Variants in ALK observed in about 807,000 individuals in gnomAD.
The protein encoded by ALK is ALK tyrosine kinase receptor.
ALK carries 74 observed loss-of-function variants against 163.1 expected under a neutral mutation model. The ratio of observed to expected loss-of-function variants is 0.45; its 90% confidence interval spans 0.38 to 0.55. The LOEUF is 0.55. ALK is among the 20% of genes least tolerant of loss of function. The pLI, the probability that ALK is intolerant of heterozygous loss-of-function variation, is 0.00. For missense variants in ALK, 2,063 were observed against 2,105.3 expected, an observed-to-expected ratio of 0.98 and a Z score of 0.39; for synonymous variants, 960 against 843.2, an observed-to-expected ratio of 1.14 and a Z score of -2.40.
At chr2:29,771,327 T>A (rs1308502734) in intron 1 of ALK, among the ~76,000 whole-genome samples, 2 of 152,116 alleles carry the variant, frequency 1.3e-5, no homozygotes, top group Non-Finnish European at 2.9e-5. Flanking sequence ...ACTCAAACCA[T>A]AACACAGTGT....
chr2:29,499,617 C>T (rs2148131031), intron 4 of ALK, among the ~76,000 whole-genome samples: 1 of 152,282 alleles, frequency 6.6e-6, no homozygotes, highest in East Asian at 1.9e-4. Flanking sequence ...TCCCTCCAGC[C>T]AACCTCTTTA....
intron 1 of ALK, among the ~76,000 whole-genome samples, chr2:29,822,303 C>G (rs916634691): frequency 2.6e-5 from 4 of 152,184 alleles, no homozygotes; most frequent in African/African-American, 9.7e-5. Flanking sequence ...CACCTGCTGG[C>G]AGTTTATAGG....
chr2:29,614,313 A>G (rs1231091986), intron 3 of ALK, among the ~76,000 whole-genome samples: 1 of 152,202 alleles, frequency 6.6e-6, no homozygotes, highest in Non-Finnish European at 1.5e-5. Context: ...TCGAAAGTCC[A>G]GTTTGCTCAA....
intron 3 of ALK, among the ~76,000 whole-genome samples, chr2:29,610,997 T>C (rs1675676480): frequency 6.6e-6 from 1 of 152,214 alleles, no homozygotes; most frequent in African/African-American, 2.4e-5. Context: ...TGCCTACTTC[T>C]CAGACTTTGG....
Position 29,560,430 on chromosome 2 carries a change from G to A in ALK, c.953-28314C>T, listed in dbSNP as rs548921368. Among the ~76,000 whole-genome samples the A allele has an allele frequency of 1.3e-4, 20 of 152,294 alleles. No individual in the cohort carries two copies. The South Asian group carries it at 3.9e-3, about 30-fold the overall frequency. ...AAGGGTTGCCTGGGGCTTGGGATGG[G>A]AATTGAGAATGACTGCAAATGAGCC... On this transcript the variant is annotated intron_variant, in intron 3 of 28. Transcript: ENST00000389048.
At chr2:29,563,779 A>T (rs1674093969) in intron 3 of ALK, among the ~76,000 whole-genome samples, 1 of 152,220 alleles carries the variant, frequency 6.6e-6, no homozygotes, top group Non-Finnish European at 1.5e-5. Flanking sequence ...ACTCTAAGAC[A>T]AGGATGAGAA....
At chr2:29,731,717 C>T (rs753279925) in intron 1 of ALK, among the ~76,000 whole-genome samples, 3 of 152,104 alleles carry the variant, frequency 2.0e-5, no homozygotes, top group Non-Finnish European at 4.4e-5. Flanking sequence ...CAAATGTAAA[C>T]CAAAGATATA....
chr2:29,741,908 G>A (rs1028562986), intron 1 of ALK, among the ~76,000 whole-genome samples: 1 of 152,192 alleles, frequency 6.6e-6, no homozygotes, highest in East Asian at 1.9e-4. Flanking sequence ...TGGGGAGAGA[G>A]AATTACTCAC....
At chr2:29,221,041 C>T in intron 22 of ALK, 2 of 698,904 alleles carry the variant, frequency 2.9e-6, no homozygotes, top group Non-Finnish European at 5.2e-6. Flanking sequence ...GCAGGCTCCA[C>T]AGGAGTTCCA....
intron 4 of ALK, among the ~76,000 whole-genome samples, chr2:29,464,978 T>C (rs1254950322): frequency 6.6e-6 from 1 of 152,164 alleles, no homozygotes; most frequent in Admixed American, 6.5e-5. Context: ...AATATATGTG[T>C]AACTGGAATC....
chr2:29,751,254 C>G (rs1166021681), intron 1 of ALK, among the ~76,000 whole-genome samples: 2 of 152,144 alleles, frequency 1.3e-5, no homozygotes, highest in Admixed American at 1.3e-4. Context: ...TTACTGTACA[C>G]TCCTGTACAT....
intron 3 of ALK, among the ~76,000 whole-genome samples, chr2:29,547,218 A>G (rs1305890047): frequency 6.6e-6 from 1 of 152,250 alleles, no homozygotes; most frequent in Non-Finnish European, 1.5e-5. Flanking sequence ...AGTCAGAACC[A>G]TCTTCTTACA....
At chr2:29,422,913 GTTT>G (rs59625011) in intron 4 of ALK, among the ~76,000 whole-genome samples, 26 of 138,694 alleles carry the variant, frequency 1.9e-4, no homozygotes, top group African/African-American at 6.3e-4. Context: ...CACTTGATAT[GTTT>G]TTTTTTTTTT....
chr2:29,231,621 A>G (rs1339783612), intron 15 of ALK, among the ~76,000 whole-genome samples: 1 of 152,218 alleles, frequency 6.6e-6, no homozygotes, highest in Non-Finnish European at 1.5e-5. Flanking sequence ...CTCTCAATTG[A>G]GAGACAGTTT....
intron 1 of ALK, among the ~76,000 whole-genome samples, chr2:29,743,498 T>C (rs1680118676): frequency 6.6e-6 from 1 of 152,176 alleles, no homozygotes; most frequent in Non-Finnish European, 1.5e-5. Flanking sequence ...AGGAAGGAGA[T>C]GAGAACAAGA....
intron 1 of ALK, among the ~76,000 whole-genome samples, chr2:29,726,299 C>G (rs1297510110): frequency 1.3e-5 from 2 of 152,072 alleles, no homozygotes; most frequent in African/African-American, 4.8e-5. Context: ...TTTTCTCCCC[C>G]CAAAATATGT....
At chr2:29,202,847 T>C (rs1669216519) in intron 26 of ALK, among the ~76,000 whole-genome samples, 1 of 152,228 alleles carries the variant, frequency 6.6e-6, no homozygotes, top group African/African-American at 2.4e-5. Context: ...GCTTTTTCTC[T>C]ATTGTAAACA....
intron 1 of ALK, among the ~76,000 whole-genome samples, chr2:29,750,026 A>G (rs1680311941): frequency 6.6e-6 from 1 of 152,218 alleles, no homozygotes; most frequent in Non-Finnish European, 1.5e-5. Context: ...CAGCCTAGAG[A>G]TGCATTTCAG....
rs116093480 is a variant in ALK at position 29,411,134 on chromosome 2, G to A, written c.1155-27275C>T. 8.2e-3 allele frequency among the ~76,000 whole-genome samples: 1,247 copies of A among 151,908 alleles called. 21 individuals are homozygous for A. The highest frequency in any genetic ancestry group is 0.028 in the African/African-American group (1,166 of 41,418). ...ACTTTTTTGTTAAAAACTAAGACAC[G>A]AACATGCACATTAGCCTAGGCCTAC... On this transcript the variant is annotated intron_variant, in intron 4 of 28. Transcript: ENST00000389048.
Sources: gnomAD v4.1 joint callset for allele counts (sites outside exome capture counted in the v4.1 genomes callset) on GRCh38, gnomAD v4.1.1 for gene constraint, MANE v1.5 for transcripts, NCBI Gene and HGNC (gene_info 2026-07-23, HGNC 2026-07-21) for gene names.